The following KIAA1671 variants were observed in gnomAD, a reference collection of about 807,000 sequenced individuals.
The protein encoded by KIAA1671 is KIAA1671, also known as uncharacterized protein KIAA1671.
KIAA1671 carries 52 observed loss-of-function variants against 131.2 expected under a neutral mutation model. That is an observed-to-expected ratio of 0.40 (90% CI 0.32 to 0.50). KIAA1671 has a LOEUF of 0.50. Among genes scored for constraint, KIAA1671 ranks in the 20% least tolerant of loss-of-function variants. KIAA1671 has a pLI of 0.73. For missense variants in KIAA1671, 2,360 were observed against 2,364.2 expected, an observed-to-expected ratio of 1.00 and a Z score of 0.04; for synonymous variants, 1,003 against 961.6, an observed-to-expected ratio of 1.04 and a Z score of -0.80.
intron 4 of KIAA1671, 34 bp from the exon 5 acceptor site, chr22:25,038,726 T>C (rs1368579650): frequency 1.3e-6 from 2 of 1,508,030 alleles, no homozygotes; most frequent in Non-Finnish European, 1.8e-6. Flanking sequence ...CCTTAAACAC[T>C]GAGGTGTTTC....
chr22:24,955,128 C>T (rs574748795), intron 1 of KIAA1671, among the ~76,000 whole-genome samples: 23 of 152,358 alleles, frequency 1.5e-4, no homozygotes, highest in African/African-American at 5.0e-4. Context: ...AATGAAGGAG[C>T]CAGTTGTCTG....
rs200767495 is a variant in KIAA1671 at position 25,009,376 on chromosome 22, C to T, written c.-207-16257C>T. Among the ~76,000 whole-genome samples, 251 of 141,522 alleles carry T rather than the reference C, an allele frequency of 1.8e-3. 4 individuals are homozygous for T. In the East Asian group the frequency reaches 0.023, roughly 13 times the overall value. The allele number at this position is 141,522 out of a possible 152,430, so 92.8% of individuals were successfully genotyped here. A position where few individuals can be genotyped will look rare whatever the true frequency, so the allele number is the denominator to read the frequency against. ...GCCTCCCAGGTTCAAGTGATTCTCC[C>T]GCCTCAGCCTCCCAAGTAGCTGGGA... On this transcript the variant is annotated intron_variant, in intron 1 of 12. Transcript: ENST00000358431.
rs1478771860 is a variant in KIAA1671 at position 25,192,447 on chromosome 22, A to G, written c.*46A>G. 2 of 152,248 alleles carry G rather than the reference A, an allele frequency of 1.3e-5. No homozygotes were observed. The highest frequency in any genetic ancestry group is 3.9e-4 in the East Asian group (2 of 5,194). 9.4% of individuals were successfully genotyped at this position (152,248 alleles called of 1,614,324 possible). A position where few individuals can be genotyped will look rare whatever the true frequency, so the allele number is the denominator to read the frequency against. On this transcript the variant is annotated 3_prime_UTR_variant, in exon 13 of 13. Transcript: ENST00000358431. Reference sequence around the variant, plus strand: ...CATCTACGTAACAGAAGCCTTAACCATCAGAACCCGCAGACGAGGCCGAGC... The same window carrying G: ...CATCTACGTAACAGAAGCCTTAACCGTCAGAACCCGCAGACGAGGCCGAGC...
chr22:24,961,812 A>G (rs556953661), intron 1 of KIAA1671, among the ~76,000 whole-genome samples: 18 of 152,274 alleles, frequency 1.2e-4, no homozygotes, highest in Non-Finnish European at 2.1e-4. Flanking sequence ...CTGATGGGGT[A>G]GGACGGGTCC....
At chr22:25,151,688 C>T (rs1413900182) in intron 6 of KIAA1671, among the ~76,000 whole-genome samples, 1 of 152,092 alleles carries the variant, frequency 6.6e-6, no homozygotes, top group African/African-American at 2.4e-5. Context: ...GCCTTGGCCT[C>T]CCCGGCCTCC....
At chr22:25,155,628 GTT>G (rs1403527689) in intron 6 of KIAA1671, among the ~76,000 whole-genome samples, 1 of 151,796 alleles carries the variant, frequency 6.6e-6, no homozygotes, top group Non-Finnish European at 1.5e-5. Context: ...GTGTGAAAGT[GTT>G]TTTTGTGTAT....
chr22:25,124,279 G>A (rs1052542739), intron 6 of KIAA1671, among the ~76,000 whole-genome samples: 17 of 152,354 alleles, frequency 1.1e-4, no homozygotes, highest in Admixed American at 8.5e-4. Context: ...GAGCATGGTG[G>A]CTTTTCTCCA....
intron 1 of KIAA1671, chr22:25,014,939 G>A (rs1925225424): frequency 6.6e-6 from 1 of 152,108 alleles, no homozygotes; most frequent in Non-Finnish European, 1.5e-5. Context: ...AAGAGCTATA[G>A]TATGTATTTT....
At chr22:24,975,307 ATTCT>A (rs1922855198) in intron 1 of KIAA1671, among the ~76,000 whole-genome samples, 1 of 149,406 alleles carries the variant, frequency 6.7e-6, no homozygotes, top group African/African-American at 2.5e-5. Flanking sequence ...AGTATCAGTG[ATTCT>A]TTTTTTTTTT....
At chr22:24,953,385 G>A (rs1029607087) in intron 1 of KIAA1671, among the ~76,000 whole-genome samples, 1 of 152,098 alleles carries the variant, frequency 6.6e-6, no homozygotes, top group African/African-American at 2.4e-5. Flanking sequence ...AACCCTGGTC[G>A]AGGGGAGCCC....
At chr22:25,149,114 C>A (rs1255018988) in intron 6 of KIAA1671, among the ~76,000 whole-genome samples, 1 of 152,194 alleles carries the variant, frequency 6.6e-6, no homozygotes, top group African/African-American at 2.4e-5. Context: ...CCAGGCACAG[C>A]CCTTAGCACT....
At chr22:25,021,422 CTCTT>C (rs1428926183) in intron 1 of KIAA1671, among the ~76,000 whole-genome samples, 1 of 151,430 alleles carries the variant, frequency 6.6e-6, no homozygotes, top group Non-Finnish European at 1.5e-5. Flanking sequence ...CTCACATTCT[CTCTT>C]TTTCTGTCAC....
At chr22:25,085,532 G>A (rs566551108) in intron 6 of KIAA1671, among the ~76,000 whole-genome samples, 10 of 123,786 alleles carry the variant, frequency 8.1e-5, no homozygotes, top group East Asian at 4.4e-4. Flanking sequence ...CCCCCTGTCC[G>A]TCCTGCGGCT....
At chr22:25,126,721 TGACA>T (rs1161520718) in intron 6 of KIAA1671, among the ~76,000 whole-genome samples, 1 of 152,210 alleles carries the variant, frequency 6.6e-6, no homozygotes, top group East Asian at 1.9e-4. Context: ...AGCAAATTGA[TGACA>T]GACACAGGAC....
intron 9 of KIAA1671, chr22:25,179,475 T>C: frequency 6.2e-7 from 1 of 1,613,142 alleles, no homozygotes; most frequent in Admixed American, 1.7e-5. Context: ...AAGTTGTTAT[T>C]CTCCTCCAGC....
chr22:25,059,948 A>C (rs1928068693), intron 6 of KIAA1671: 1 of 152,200 alleles, frequency 6.6e-6, no homozygotes. Context: ...CCTAAATGCC[A>C]GGCCTCCTGC....
intron 6 of KIAA1671, among the ~76,000 whole-genome samples, chr22:25,117,927 T>C (rs111821172): frequency 0.028 from 4,237 of 151,856 alleles, 93 homozygotes; most frequent in Middle Eastern, 0.061. Context: ...TCACCTGAGA[T>C]CGGGAGTTCA....
intron 8 of KIAA1671, chr22:25,174,968 T>C (rs1933973259): frequency 6.5e-6 from 1 of 153,098 alleles, no homozygotes; most frequent in African/African-American, 2.4e-5. Context: ...ACTGTCTCTG[T>C]AGTGGCTCTT....
chr22:25,177,726 T>C (rs1434504995), intron 9 of KIAA1671, among the ~76,000 whole-genome samples: 3 of 152,210 alleles, frequency 2.0e-5, no homozygotes, highest in South Asian at 2.1e-4. Context: ...CTTTACTACA[T>C]GGATGAGATG....
Sources: allele counts gnomAD v4.1 joint callset (sites outside exome capture counted in the v4.1 genomes callset), GRCh38; gene constraint gnomAD v4.1.1; transcripts MANE v1.5; gene names NCBI Gene and HGNC (gene_info 2026-07-23, HGNC 2026-07-21).